The following SCAMP1 variants were observed in gnomAD, a reference collection of about 807,000 sequenced individuals.
The protein encoded by SCAMP1 is secretory carrier-associated membrane protein 1.
In SCAMP1, 15 loss-of-function variants were observed where a neutral mutation model predicts 41.8. The observed-to-expected ratio is 0.36, with a 90% CI of 0.24 to 0.55. SCAMP1 has a LOEUF of 0.55. SCAMP1 is among the 20% of genes least tolerant of loss of function. The probability of loss-of-function intolerance (pLI) is 0.86; values close to 1 mark genes in which losing one functional copy is unlikely to be tolerated. For synonymous variants in SCAMP1, 135 were observed against 136.8 expected (o/e 0.99, Z 0.09); for missense variants, 341 against 412.6 (o/e 0.83, Z 1.50).
intron 6 of SCAMP1, among the ~76,000 whole-genome samples, chr5:78,425,160 TTA>T (rs1260164334): frequency 6.6e-6 from 1 of 152,238 alleles, no homozygotes; most frequent in Non-Finnish European, 1.5e-5. Flanking sequence ...TTCTTATAGA[TTA>T]TATTTTACAG....
rs551084594 is a variant in SCAMP1, at chr5:78,437,232, A to C, written c.633-12701A>C. On this transcript the variant is annotated intron_variant, in intron 6 of 8. Coordinates refer to ENST00000621999, the MANE Select transcript of SCAMP1 (RefSeq NM_004866.6). Reference sequence around the variant, plus strand: ...TTTCTCTTGCCTGATTGCCCTGGCCAGAACTTCCAACACTATGTTGAATAG... The same window carrying C: ...TTTCTCTTGCCTGATTGCCCTGGCCCGAACTTCCAACACTATGTTGAATAG... Among the ~76,000 whole-genome samples the C allele has an allele frequency of 8.7e-3, 1,319 of 152,362 alleles. 12 individuals carry two copies. The highest frequency in any genetic ancestry group is 0.025 in the African/African-American group (1,028 of 41,584).
rs11380148 is a variant in SCAMP1, at chr5:78,431,534, C to CTTT, written c.632+9588_632+9590dup. On this transcript the variant is annotated intron_variant, in intron 6 of 8. Transcript: ENST00000621999. ...TTTGTTTCTTTTCCTTTCTTTTTGC[C>CTTT]TTTTTTTTTTTTTTTTGGATCAGTT... is the stretch of plus-strand genomic sequence containing the variant. Among the ~76,000 whole-genome samples, 1,009 of 121,234 alleles carry CTTT rather than the reference C, an allele frequency of 8.3e-3. 37 individuals are homozygous for CTTT. The highest frequency in any genetic ancestry group is 0.03 in the African/African-American group (954 of 31,682). The allele number at this position is 121,234 out of a possible 152,430, so 79.5% of individuals were successfully genotyped here. A position where few individuals can be genotyped will look rare whatever the true frequency, so the allele number is the denominator to read the frequency against.
At chr5:78,436,611 G>GT (rs1752763266) in intron 6 of SCAMP1, among the ~76,000 whole-genome samples, 1 of 152,150 alleles carries the variant, frequency 6.6e-6, no homozygotes, top group Non-Finnish European at 1.5e-5. Context: ...GTACCATGCT[G>GT]TTTGGTTACT....
At chr5:78,432,163 C>G (rs758420311) in intron 6 of SCAMP1, among the ~76,000 whole-genome samples, 3 of 152,086 alleles carry the variant, frequency 2.0e-5, no homozygotes, top group Non-Finnish European at 1.5e-5. Context: ...CTTCTTCTAT[C>G]TCTATGTGTC....
chr5:78,468,805 A>G (rs1753803333), intron 8 of SCAMP1, among the ~76,000 whole-genome samples: 1 of 152,178 alleles, frequency 6.6e-6, no homozygotes, highest in African/African-American at 2.4e-5. Context: ...CACTGTGATT[A>G]AGTCTCATTA....
In SCAMP1 at chr5:78,447,848, T is replaced by TCCTCCCCTC. The variant is rs1753092073; in HGVS notation, c.633-2083_633-2082insTCCCCTCCC. On this transcript the variant is annotated intron_variant, in intron 6 of 8. Transcript: ENST00000621999. The stretch of plus-strand genomic sequence containing the variant: ...TCTCCCTCCCCTCCCTTCTTTCCCC[T>TCCTCCCCTC]CCCTCCTCCCCTGCCCCCCTTCCCC... 2.8e-5 allele frequency among the ~76,000 whole-genome samples: 2 copies of TCCTCCCCTC among 71,916 alleles called. 1 individual carries two copies. The highest frequency in any genetic ancestry group is 1.2e-4 in the African/African-American group (2 of 17,220). The allele number at this position is 71,916 out of a possible 152,430, so 47.2% of individuals were successfully genotyped here.
At chr5:78,450,918 A>T (rs980466547) in intron 7 of SCAMP1, among the ~76,000 whole-genome samples, 1 of 152,330 alleles carries the variant, frequency 6.6e-6, no homozygotes, top group East Asian at 1.9e-4. Flanking sequence ...ACATGCAGAA[A>T]ATTTATATAG....
At chr5:78,420,116 C>T (rs982765269) in intron 5 of SCAMP1, among the ~76,000 whole-genome samples, 1 of 152,046 alleles carries the variant, frequency 6.6e-6, no homozygotes, top group Non-Finnish European at 1.5e-5. Flanking sequence ...AGTGCAATGG[C>T]ACGATCTTGG....
At chr5:78,391,377 C>A (rs1163667043) in intron 2 of SCAMP1, among the ~76,000 whole-genome samples, 1 of 151,036 alleles carries the variant, frequency 6.6e-6, no homozygotes, top group African/African-American at 2.4e-5. Context: ...CGCCCCTCAC[C>A]TCCCGGACGG....
chr5:78,443,080 G>T (rs1015388759), intron 6 of SCAMP1, among the ~76,000 whole-genome samples: 2 of 151,908 alleles, frequency 1.3e-5, no homozygotes, highest in East Asian at 3.9e-4. Context: ...GGGTGTGGTG[G>T]TGGGTGCCTG....
intron 7 of SCAMP1, among the ~76,000 whole-genome samples, chr5:78,458,170 A>C (rs1370552994): frequency 6.6e-6 from 1 of 152,162 alleles, no homozygotes; most frequent in African/African-American, 2.4e-5. Context: ...TGGGAGCTGT[A>C]GACCGGAGCT....
intron 6 of SCAMP1, among the ~76,000 whole-genome samples, chr5:78,433,060 A>G (rs1312303274): frequency 1.3e-5 from 2 of 151,962 alleles, no homozygotes; most frequent in African/African-American, 4.8e-5. Flanking sequence ...GATATTTTTC[A>G]TTTCTACCAT....
intron 8 of SCAMP1, among the ~76,000 whole-genome samples, chr5:78,467,826 C>A (rs1192340747): frequency 6.6e-6 from 1 of 152,126 alleles, no homozygotes; most frequent in Non-Finnish European, 1.5e-5. Flanking sequence ...AAATTAAGAT[C>A]CAATTTTAAA....
chr5:78,429,356 T>G (rs1235212327), intron 6 of SCAMP1, among the ~76,000 whole-genome samples: 2 of 46,154 alleles, frequency 4.3e-5, no homozygotes, highest in Non-Finnish European at 8.3e-5. Context: ...TTTTTTTTTT[T>G]TTTTTTAATT....
chr5:78,433,270 CTT>C (rs1326344414), intron 6 of SCAMP1, among the ~76,000 whole-genome samples: 1 of 151,926 alleles, frequency 6.6e-6, no homozygotes, highest in Non-Finnish European at 1.5e-5. Flanking sequence ...GACAGTGTGT[CTT>C]TTTTTTCTTG....
chr5:78,423,014 G>A (rs4996034), intron 6 of SCAMP1, among the ~76,000 whole-genome samples: 13 of 9,716 alleles, frequency 1.3e-3, no homozygotes, highest in African/African-American at 0.011. Context: ...ACACGCGCGC[G>A]CGCACACACA....
At chr5:78,379,796 G>A (rs1751152432) in intron 1 of SCAMP1, among the ~76,000 whole-genome samples, 1 of 152,202 alleles carries the variant, frequency 6.6e-6, no homozygotes, top group African/African-American at 2.4e-5. Flanking sequence ...CTGTGGCACT[G>A]AGAGAATGAC....
chr5:78,480,229 C>G lies in SCAMP1; in HGVS notation c.*4561C>G, dbSNP rs1483808013. Among the ~76,000 whole-genome samples, 2 of 152,152 alleles carry G rather than the reference C, an allele frequency of 1.3e-5. No individual in the cohort carries two copies. Among genetic ancestry groups the G allele is most frequent in the Non-Finnish European group, 2.9e-5 (2 of 68,022 alleles). ...GATGGTGTAGCTGAAACCCTCCTAA[C>G]ACTAAAAGCCATTTAATCTTTTCTG... On this transcript the variant is annotated 3_prime_UTR_variant, in exon 9 of 9. Coordinates refer to ENST00000621999, the MANE Select transcript of SCAMP1 (RefSeq NM_004866.6).
At chr5:78,404,453 G>GTTTTT (rs3058233) in intron 2 of SCAMP1, among the ~76,000 whole-genome samples, 1,164 of 98,112 alleles carry the variant, frequency 0.012, 128 homozygotes, top group African/African-American at 0.042. Flanking sequence ...AGCCTTACAG[G>GTTTTT]TTTTTTTTTT....
Sources: allele counts gnomAD v4.1 joint callset (sites outside exome capture counted in the v4.1 genomes callset), GRCh38; gene constraint gnomAD v4.1.1; transcripts MANE v1.5; gene names NCBI Gene and HGNC (gene_info 2026-07-23, HGNC 2026-07-21).